The following FGD3 variants were observed in gnomAD, a reference collection of about 807,000 sequenced individuals.
FGD3 encodes the protein FYVE, RhoGEF and PH domain containing 3.
A neutral mutation model predicts 71.8 loss-of-function variants in FGD3; 45 were observed. The ratio of observed to expected loss-of-function variants is 0.63; its 90% CI spans 0.49 to 0.80. The LOEUF is 0.80. Among genes scored for constraint, FGD3 ranks in the 30% least tolerant of loss-of-function variants. The probability of loss-of-function intolerance (pLI) is 0.00; values close to 1 mark genes in which losing one functional copy is unlikely to be tolerated. For synonymous variants in FGD3, 378 were observed against 392.8 expected (o/e 0.96, Z 0.44); for missense variants, 844 against 951.5 (o/e 0.89, Z 1.49).
chr9:92,957,869 T>C (rs1462735547), intron 1 of FGD3, among the ~76,000 whole-genome samples: 1 of 151,436 alleles, frequency 6.6e-6, no homozygotes, highest in African/African-American at 2.4e-5. Flanking sequence ...TTTGTAGAGA[T>C]GAAGTTTCAC....
intron 3 of FGD3, among the ~76,000 whole-genome samples, chr9:92,981,368 CAAAA>C (rs11454338): frequency 8.9e-6 from 1 of 111,764 alleles, no homozygotes; most frequent in Non-Finnish European, 1.8e-5. Flanking sequence ...ATTCCATCTC[CAAAA>C]AAAAAAAAAA....
intron 16 of FGD3, 138 bp downstream of exon 16, chr9:93,033,011 T>G: frequency 1.2e-6 from 1 of 864,180 alleles, no homozygotes; most frequent in South Asian, 1.4e-5. Context: ...TGTGTCTCAG[T>G]GGGGCCCCCA....
At chr9:92,960,675 G>C (rs1045228235) in intron 1 of FGD3, among the ~76,000 whole-genome samples, 6 of 152,136 alleles carry the variant, frequency 3.9e-5, no homozygotes, top group Non-Finnish European at 8.8e-5. Flanking sequence ...GAGAGTTGTG[G>C]GGGCTCTGTT....
intron 1 of FGD3, among the ~76,000 whole-genome samples, chr9:92,973,413 C>T (rs1859610516): frequency 6.6e-6 from 1 of 152,176 alleles, no homozygotes; most frequent in South Asian, 2.1e-4. Flanking sequence ...CTGTGCCCGG[C>T]CTCTGCCTGG....
In FGD3 at chr9:92,969,564, C is replaced by T. The variant is rs2118545385; in HGVS notation, c.-217-5674C>T. Reference sequence around the variant, plus strand: ...CCATTGTTATGGAGCCTCCTGTGTGCCGGGGGCCACTGGGCCACTCCAGCG... The same window carrying T: ...CCATTGTTATGGAGCCTCCTGTGTGTCGGGGGCCACTGGGCCACTCCAGCG... On this transcript the variant is annotated intron_variant, in intron 1 of 17. Coordinates refer to ENST00000375482, the MANE Select transcript of FGD3 (RefSeq NM_001083536.2). This position sits in a 1 kb window ranked among gnomAD's most constrained non-coding sequence, Gnocchi z 4.5. Among the ~76,000 whole-genome samples the T allele has an allele frequency of 6.6e-6, 1 of 152,336 alleles. No individual in the cohort carries two copies. Among genetic ancestry groups the T allele is most frequent in the Non-Finnish European group, 1.5e-5 (1 of 68,040 alleles).
At chr9:92,966,820 TG>T (rs749363305) in intron 1 of FGD3, among the ~76,000 whole-genome samples, 2 of 152,262 alleles carry the variant, frequency 1.3e-5, no homozygotes, top group African/African-American at 2.4e-5. Flanking sequence ...TACAGGGCCT[TG>T]CCCTTCGCAC....
intron 6 of FGD3, among the ~76,000 whole-genome samples, chr9:93,006,772 G>C (rs1228197450): frequency 2.6e-5 from 4 of 151,580 alleles, no homozygotes; most frequent in Non-Finnish European, 5.9e-5. Flanking sequence ...TGTTGCCCAG[G>C]CTGGAGTGTA....
intron 14 of FGD3, 67 bp from the exon 15 acceptor site, chr9:93,029,807 C>T: frequency 6.4e-7 from 1 of 1,565,452 alleles, no homozygotes; most frequent in African/African-American, 1.4e-5. Flanking sequence ...GCTGCCACTC[C>T]ACTGCCGTGT....
At chr9:92,956,611 C>T (rs1325410585) in intron 1 of FGD3, among the ~76,000 whole-genome samples, 1 of 152,172 alleles carries the variant, frequency 6.6e-6, no homozygotes, top group Non-Finnish European at 1.5e-5. Flanking sequence ...ACACCTTGAT[C>T]TCAGAGTTCC....
At chr9:93,008,317 C>A (rs1316776976) in intron 6 of FGD3, among the ~76,000 whole-genome samples, 1 of 152,168 alleles carries the variant, frequency 6.6e-6, no homozygotes, top group African/African-American at 2.4e-5. Context: ...ACTCCGCAGC[C>A]CACACTCAGA....
chr9:93,009,559 G>A (rs959472516), intron 6 of FGD3, among the ~76,000 whole-genome samples: 3 of 152,182 alleles, frequency 2.0e-5, no homozygotes, highest in Admixed American at 6.5e-5. Flanking sequence ...GAGGCAAAGT[G>A]GCCTGGGCAG....
chr9:93,019,713 T>G, intron 11 of FGD3, 118 bp from the exon 12 acceptor site: 2 of 988,848 alleles, frequency 2.0e-6, no homozygotes, highest in Non-Finnish European at 3.2e-6. Flanking sequence ...CTTCCAATCC[T>G]TGAGCTGCGT....
At chr9:92,993,625 C>A (rs1399124210) in intron 3 of FGD3, among the ~76,000 whole-genome samples, 1 of 152,116 alleles carries the variant, frequency 6.6e-6, no homozygotes, top group Non-Finnish European at 1.5e-5. Flanking sequence ...CTCCCCTTAC[C>A]CCATGACAGG....
rs371213207 is a variant in FGD3 at position 93,020,440 on chromosome 9, G to A, written c.1494+16G>A. 4.0e-5 allele frequency: 64 copies of A among 1,607,022 alleles called. No homozygotes were observed. The highest frequency in any genetic ancestry group is 2.0e-4 in the Admixed American group (12 of 59,120). On this transcript the variant is annotated intron_variant, in intron 13 of 17. Transcript: ENST00000375482. ...AGACATGCCTGTGAGTCAGTGGCCC[G>A]GGGTGCAGAGAGACCTCCAGGGGAC...
Position 92,976,663 on chromosome 9 carries a change from C to G in FGD3, c.407C>G (p.Ser136Cys). Reference sequence around the variant, plus strand: ...AGCGACGTGGGTGAGGAACCTGACTCTGAGAACACCCCCCAGAAGGCTGAC... The same window carrying G: ...AGCGACGTGGGTGAGGAACCTGACTGTGAGAACACCCCCCAGAAGGCTGAC... ...ADSDVGEEPD[S>C]ENTPQKADKD... Residue 136 changes from serine (S) to cysteine (C), a missense_variant, in exon 3 of 18, where the codon TCT becomes TGT. Physicochemically the swap from Ser to Cys is moderately radical, Grantham distance 112 (BLOSUM62 -1). Coordinates refer to ENST00000375482, the MANE Select transcript of FGD3 (RefSeq NM_001083536.2). 6.2e-7 allele frequency: 1 copy of G among 1,609,754 alleles called. No homozygotes were observed. The highest frequency in any genetic ancestry group is 8.5e-7 in the Non-Finnish European group (1 of 1,178,280).
intron 6 of FGD3, among the ~76,000 whole-genome samples, chr9:93,009,593 A>C (rs1861217108): frequency 6.6e-6 from 1 of 152,164 alleles, no homozygotes; most frequent in East Asian, 1.9e-4. Flanking sequence ...GGGAGCACAG[A>C]GGCGACAGGT....
At chr9:93,030,944 CTG>C (rs1862333484) in intron 15 of FGD3, among the ~76,000 whole-genome samples, 2 of 151,772 alleles carry the variant, frequency 1.3e-5, no homozygotes, top group Non-Finnish European at 2.9e-5. Context: ...AAATGGATGA[CTG>C]GAGAATTGAT....
At chr9:93,033,417 C>A in intron 16 of FGD3, 1 of 181,984 alleles carries the variant, frequency 5.5e-6, no homozygotes, top group Admixed American at 5.6e-5. Flanking sequence ...TCTCCCTCCT[C>A]CTCCTGCTCC....
At chr9:92,958,969 T>G (rs1319541038) in intron 1 of FGD3, among the ~76,000 whole-genome samples, 1 of 152,208 alleles carries the variant, frequency 6.6e-6, no homozygotes, top group Non-Finnish European at 1.5e-5. Flanking sequence ...TTATTATTTA[T>G]TTAGTTTTGA....
Sources: allele counts gnomAD v4.1 joint callset (sites outside exome capture counted in the v4.1 genomes callset), GRCh38; gene constraint gnomAD v4.1.1; non-coding constraint Gnocchi (gnomAD v3.1); transcripts MANE v1.5; gene names NCBI Gene and HGNC (gene_info 2026-07-23, HGNC 2026-07-21).